Variants in FHIT observed in about 807,000 individuals in gnomAD.
FHIT encodes bis(5'-adenosyl)-triphosphatase.
A neutral mutation model predicts 17.9 loss-of-function variants in FHIT; 19 were observed. That is an observed-to-expected ratio of 1.06 (90% CI 0.74 to 1.56). The LOEUF is 1.56. Among genes scored for constraint, FHIT ranks in the 40% most tolerant of loss-of-function variants. The probability of loss-of-function intolerance (pLI) is 0.00; values close to 1 mark genes in which losing one functional copy is unlikely to be tolerated. For missense variants in FHIT, 248 were observed against 189.2 expected (o/e 1.31, Z -1.82); for synonymous variants, 81 against 69.7 (o/e 1.16, Z -0.81).
intron 8 of FHIT, among the ~76,000 whole-genome samples, chr3:59,782,256 C>T (rs1203825251): frequency 2.0e-5 from 3 of 152,082 alleles, no homozygotes; most frequent in Non-Finnish European, 4.4e-5. Flanking sequence ...GCCTGGCCAT[C>T]AATTTTGTCT....
intron 5 of FHIT, among the ~76,000 whole-genome samples, chr3:60,148,701 A>T (rs2107322650): frequency 6.6e-6 from 1 of 152,318 alleles, no homozygotes; most frequent in South Asian, 2.1e-4. Context: ...AACTAAGATA[A>T]AAGAATGTCT....
chr3:60,621,470 TTAC>T (rs1176712914), intron 4 of FHIT, among the ~76,000 whole-genome samples: 2 of 152,078 alleles, frequency 1.3e-5, no homozygotes, highest in African/African-American at 4.8e-5. Context: ...TTTAATATGC[TTAC>T]TATTACACTT....
At chr3:60,880,147 A>T (rs1327338067) in intron 3 of FHIT, among the ~76,000 whole-genome samples, 1 of 152,176 alleles carries the variant, frequency 6.6e-6, no homozygotes, top group Non-Finnish European at 1.5e-5. Flanking sequence ...GTCACAGTAC[A>T]TTTAAGGGAA....
At chr3:61,030,694 T>G (rs1000378863) in intron 3 of FHIT, among the ~76,000 whole-genome samples, 4 of 151,988 alleles carry the variant, frequency 2.6e-5, no homozygotes, top group Admixed American at 2.0e-4. Context: ...AGGACAAAAA[T>G]TAAAAAACAA....
At chr3:60,041,751 T>G (rs1039400298) in intron 5 of FHIT, among the ~76,000 whole-genome samples, 4 of 152,240 alleles carry the variant, frequency 2.6e-5, no homozygotes, top group Admixed American at 2.0e-4. Context: ...TGTCATACCT[T>G]CATACATGAA....
intron 1 of FHIT, among the ~76,000 whole-genome samples, chr3:61,225,605 CAGTAA>C (rs2039950722): frequency 6.6e-6 from 1 of 152,210 alleles, no homozygotes; most frequent in Non-Finnish European, 1.5e-5. Context: ...TCTGCGGTTT[CAGTAA>C]TAGCTAATCT....
intron 5 of FHIT, among the ~76,000 whole-genome samples, chr3:60,165,728 A>C (rs1438560314): frequency 1.3e-5 from 2 of 152,182 alleles, no homozygotes; most frequent in African/African-American, 4.8e-5. Flanking sequence ...TTACTCTCTC[A>C]AGGAGTAAAT....
chr3:59,759,949 C>T (rs141803412), intron 8 of FHIT, among the ~76,000 whole-genome samples: 1 of 150,482 alleles, frequency 6.6e-6, no homozygotes, highest in Non-Finnish European at 1.5e-5. Context: ...CTTCCCTTCT[C>T]TATCCTGTGA....
chr3:60,967,967 AATATGC>A (rs1241196467), intron 3 of FHIT, among the ~76,000 whole-genome samples: 1 of 152,252 alleles, frequency 6.6e-6, no homozygotes, highest in Non-Finnish European at 1.5e-5. Flanking sequence ...AAATTGTGCC[AATATGC>A]ATGTGGAATT....
chr3:61,048,983 G>T (rs570424110), intron 2 of FHIT, among the ~76,000 whole-genome samples: 2 of 152,056 alleles, frequency 1.3e-5, no homozygotes, highest in African/African-American at 4.8e-5. Flanking sequence ...TGTGGGGTTG[G>T]GGGAGTGGGG....
At chr3:59,764,889 C>T (rs1701716747) in intron 8 of FHIT, among the ~76,000 whole-genome samples, 1 of 40,690 alleles carries the variant, frequency 2.5e-5, no homozygotes, top group Admixed American at 2.2e-4. Flanking sequence ...CACACACACA[C>T]ACACACACAC....
At chr3:60,461,200 A>G (rs1029056873) in intron 5 of FHIT, among the ~76,000 whole-genome samples, 2 of 152,214 alleles carry the variant, frequency 1.3e-5, no homozygotes, top group Admixed American at 6.5e-5. Context: ...AAGTTATTAA[A>G]TATGTTATTC....
chr3:61,160,882 G>A (rs551622284), intron 2 of FHIT, among the ~76,000 whole-genome samples: 65 of 152,222 alleles, frequency 4.3e-4, no homozygotes, highest in East Asian at 1.4e-3. Flanking sequence ...TGGTAATCAC[G>A]CACTTTGCTA....
intron 5 of FHIT, among the ~76,000 whole-genome samples, chr3:60,532,708 G>T (rs183653683): frequency 3.2e-4 from 49 of 152,316 alleles, no homozygotes; most frequent in Admixed American, 3.1e-3. Flanking sequence ...TGCTTCAGGT[G>T]GGAACAAGGA....
intron 5 of FHIT, among the ~76,000 whole-genome samples, chr3:60,467,910 C>A (rs1188247338): frequency 6.6e-6 from 1 of 152,022 alleles, no homozygotes; most frequent in East Asian, 1.9e-4. Flanking sequence ...TGGGTGAAGT[C>A]TCCAGCTATT....
intron 5 of FHIT, among the ~76,000 whole-genome samples, chr3:60,156,649 G>A (rs1035055219): frequency 6.1e-4 from 93 of 152,102 alleles, no homozygotes; most frequent in African/African-American, 2.1e-3. Flanking sequence ...CTACTCAGGA[G>A]GCTGAGGTGA....
At chr3:59,840,825 G>C (rs189814926) in intron 8 of FHIT, among the ~76,000 whole-genome samples, 3 of 152,104 alleles carry the variant, frequency 2.0e-5, no homozygotes, top group African/African-American at 7.2e-5. Context: ...GGGCACCTCA[G>C]TTTTCTCATC....
At chr3:59,857,088 A>G (rs775537185) in intron 8 of FHIT, among the ~76,000 whole-genome samples, 6 of 152,222 alleles carry the variant, frequency 3.9e-5, no homozygotes, top group Non-Finnish European at 5.9e-5. Flanking sequence ...ACCAGCTGCT[A>G]TCGGGGACAC....
intron 5 of FHIT, among the ~76,000 whole-genome samples, chr3:60,251,353 T>C (rs755663888): frequency 6.6e-6 from 1 of 152,150 alleles, no homozygotes; most frequent in Non-Finnish European, 1.5e-5. Context: ...TGACACCTAT[T>C]ACTATCAACC....
Sources: gnomAD v4.1 joint callset for allele counts (sites outside exome capture counted in the v4.1 genomes callset) on GRCh38, gnomAD v4.1.1 for gene constraint, MANE v1.5 for transcripts, NCBI Gene and HGNC (gene_info 2026-07-23, HGNC 2026-07-21) for gene names.